The following ZBTB7C variants were observed in gnomAD, a reference collection of about 807,000 sequenced individuals.
The protein encoded by ZBTB7C is zinc finger and BTB domain-containing protein 7C.
Under a neutral mutation model 25.7 loss-of-function variants are expected in ZBTB7C, and 8 were observed. That is an observed-to-expected ratio of 0.31 (90% confidence interval 0.18 to 0.56). The LOEUF is 0.56. Among genes scored for constraint, ZBTB7C ranks in the 20% least tolerant of loss-of-function variants. The pLI, the probability that ZBTB7C is intolerant of heterozygous loss-of-function variation, is 0.91. For missense variants in ZBTB7C, 824 were observed against 855.2 expected (o/e 0.96, Z 0.46); for synonymous variants, 394 against 369.0 (o/e 1.07, Z -0.78).
chr18:48,246,269 A>C (rs2043689091), intron 2 of ZBTB7C, among the ~76,000 whole-genome samples: 1 of 151,934 alleles, frequency 6.6e-6, no homozygotes, highest in Non-Finnish European at 1.5e-5. Context: ...TGGCTAACAC[A>C]AATACAAAAC....
At chr18:48,294,962 T>C (rs2045345997) in intron 2 of ZBTB7C, among the ~76,000 whole-genome samples, 1 of 152,164 alleles carries the variant, frequency 6.6e-6, no homozygotes, top group Non-Finnish European at 1.5e-5. Flanking sequence ...GCAAGCTGGC[T>C]GCAGTACACT....
chr18:48,046,854 A>T (rs1218190050), intron 3 of ZBTB7C, among the ~76,000 whole-genome samples: 1 of 152,188 alleles, frequency 6.6e-6, no homozygotes, highest in East Asian at 1.9e-4. Context: ...GGTTACGAGA[A>T]ATCTGATAAC....
chr18:48,272,454 A>T (rs1271570801), intron 2 of ZBTB7C, among the ~76,000 whole-genome samples: 1 of 152,226 alleles, frequency 6.6e-6, no homozygotes, highest in Non-Finnish European at 1.5e-5. Context: ...TGTATTCCAG[A>T]TGGAGAGAAG....
intron 2 of ZBTB7C, among the ~76,000 whole-genome samples, chr18:48,299,784 A>C (rs1243539572): frequency 1.3e-5 from 2 of 152,264 alleles, no homozygotes; most frequent in East Asian, 3.8e-4. Context: ...ACGGAAGTGA[A>C]GTGAAAATGG....
chr18:48,099,871 A>G (rs2038770245), intron 3 of ZBTB7C, among the ~76,000 whole-genome samples: 1 of 152,174 alleles, frequency 6.6e-6, no homozygotes, highest in African/African-American at 2.4e-5. Flanking sequence ...AACCTAATAA[A>G]AGGCTCAAAG....
At chr18:48,205,508 G>A (rs1020118832) in intron 2 of ZBTB7C, among the ~76,000 whole-genome samples, 1 of 151,928 alleles carries the variant, frequency 6.6e-6, no homozygotes, top group African/African-American at 2.4e-5. Flanking sequence ...GAAATAGACA[G>A]TATTAATAAC....
chr18:48,383,786 G>A (rs147060286), intron 1 of ZBTB7C, among the ~76,000 whole-genome samples: 4 of 152,216 alleles, frequency 2.6e-5, no homozygotes, highest in African/African-American at 9.6e-5. Flanking sequence ...GGCTGGAAGG[G>A]AGCTCTGGAA....
chr18:48,368,571 C>A (rs988475867), intron 1 of ZBTB7C, among the ~76,000 whole-genome samples: 1 of 152,082 alleles, frequency 6.6e-6, no homozygotes, highest in Admixed American at 6.5e-5. Context: ...AAAAGATAAA[C>A]CTACAGATTC....
intron 2 of ZBTB7C, among the ~76,000 whole-genome samples, chr18:48,237,642 T>G (rs1006187619): frequency 1.3e-5 from 2 of 150,090 alleles, no homozygotes; most frequent in African/African-American, 4.9e-5. Context: ...GAGCATAGTT[T>G]GATATGACCA....
At chr18:48,116,769 G>A (rs529429334) in intron 3 of ZBTB7C, among the ~76,000 whole-genome samples, 3 of 152,240 alleles carry the variant, frequency 2.0e-5, no homozygotes, top group African/African-American at 7.2e-5. Flanking sequence ...GTTCAGGGCA[G>A]ACCTCCTCTA....
chr18:48,079,658 C>T (rs1433027920), intron 3 of ZBTB7C, among the ~76,000 whole-genome samples: 1 of 152,236 alleles, frequency 6.6e-6, no homozygotes, highest in Non-Finnish European at 1.5e-5. Flanking sequence ...CCAGCTCACC[C>T]ATCAGAGCCC....
chr18:48,396,308 G>A (rs2048028026), intron 1 of ZBTB7C, among the ~76,000 whole-genome samples: 1 of 152,162 alleles, frequency 6.6e-6, no homozygotes, highest in Non-Finnish European at 1.5e-5. Flanking sequence ...TGCAAAATGG[G>A]CACAAGCACA....
intron 3 of ZBTB7C, among the ~76,000 whole-genome samples, chr18:48,048,775 G>T (rs571111725): frequency 1.3e-5 from 2 of 152,262 alleles, no homozygotes; most frequent in South Asian, 4.1e-4. Context: ...CCCTGAGAAG[G>T]GTCCTTACAG....
chr18:48,147,471 C>T (rs1292206329), intron 3 of ZBTB7C, among the ~76,000 whole-genome samples: 2 of 152,136 alleles, frequency 1.3e-5, no homozygotes, highest in African/African-American at 4.8e-5. Flanking sequence ...ACTGCTGACC[C>T]AAGACCATGC....
intron 3 of ZBTB7C, chr18:48,185,425 T>C (rs2042031817): frequency 2.8e-6 from 1 of 355,582 alleles, no homozygotes; most frequent in Non-Finnish European, 5.5e-6. Flanking sequence ...TTCTCGTGGA[T>C]TTCCCAGAGC....
chr18:48,410,977 C>T (rs112680111), upstream of ZBTB7C, among the ~76,000 whole-genome samples: 256 of 152,330 alleles, frequency 1.7e-3, 1 homozygote, highest in African/African-American at 5.7e-3. Context: ...CACTGGATGA[C>T]ATTTTTTACA....
intron 2 of ZBTB7C, among the ~76,000 whole-genome samples, chr18:48,209,421 G>C (rs185170485): frequency 4.6e-5 from 7 of 152,294 alleles, no homozygotes; most frequent in Admixed American, 3.3e-4. Flanking sequence ...GTGCTAGGAA[G>C]ACACAAAGTT....
chr18:48,106,443 C>T (rs2039030775), intron 3 of ZBTB7C, among the ~76,000 whole-genome samples: 1 of 146,006 alleles, frequency 6.8e-6, no homozygotes, highest in Non-Finnish European at 1.5e-5. Flanking sequence ...GACCCAAACC[C>T]TATTATAATG....
intron 1 of ZBTB7C, among the ~76,000 whole-genome samples, chr18:48,367,175 T>TTTTATATATATATATATA (rs1247008733): frequency 3.2e-5 from 2 of 62,252 alleles, no homozygotes; most frequent in African/African-American, 7.5e-5. Context: ...TCCCCAAGTT[T>TTTTATATATATATATATA]TATATATATA....
Sources: allele counts gnomAD v4.1 joint callset (sites outside exome capture counted in the v4.1 genomes callset), GRCh38; gene constraint gnomAD v4.1.1; transcripts MANE v1.5; gene names NCBI Gene and HGNC (gene_info 2026-07-23, HGNC 2026-07-21).